CCDC7: variants seen among roughly 807,000 people sequenced by gnomAD.
CCDC7 encodes the protein coiled-coil domain containing 7.
Under a neutral mutation model 196.9 loss-of-function variants are expected in CCDC7, and 183 were observed. That is an observed-to-expected ratio of 0.93 (90% CI 0.82 to 1.05). CCDC7 has a LOEUF of 1.05. Among genes scored for constraint, CCDC7 ranks in the 50% least tolerant of loss-of-function variants. The pLI is 0.00. For synonymous variants in CCDC7, 525 were observed against 484.6 expected (o/e 1.08, Z -1.10); for missense variants, 1,540 against 1,482.2 (o/e 1.04, Z -0.64).
chr10:32,756,580 C>A (rs878983387), intron 28 of CCDC7, among the ~76,000 whole-genome samples: 1 of 152,180 alleles, frequency 6.6e-6, no homozygotes, highest in Non-Finnish European at 1.5e-5. Context: ...CCAGGCCTGC[C>A]TTACAAGAGC....
chr10:32,607,290 T>G (rs1452565299), intron 18 of CCDC7, among the ~76,000 whole-genome samples: 2 of 152,198 alleles, frequency 1.3e-5, no homozygotes, highest in Non-Finnish European at 2.9e-5. Flanking sequence ...TTCTTTTCCT[T>G]ATAAATTATC....
In CCDC7 at chr10:32,560,015, C is replaced by T. The variant is rs947855754; in HGVS notation, c.1135-5543C>T. On this transcript the variant is annotated intron_variant, in intron 13 of 41. Transcript: ENST00000639629. ...GCTGAAAACCAAGGCTCGAGAACTACGTGAAGAATGCAGAAGCCTCAGGAG... is the reference window on the plus strand; with the variant it reads ...GCTGAAAACCAAGGCTCGAGAACTATGTGAAGAATGCAGAAGCCTCAGGAG... Among the ~76,000 whole-genome samples the T allele has an allele frequency of 1.1e-4, 17 of 152,084 alleles. No homozygotes were observed. The East Asian group carries it at 1.4e-3, about 12-fold the overall frequency.
intron 28 of CCDC7, among the ~76,000 whole-genome samples, chr10:32,775,713 A>G (rs73255963): frequency 0.053 from 8,061 of 152,214 alleles, 710 homozygotes; most frequent in African/African-American, 0.18. Flanking sequence ...AAAGACAGAT[A>G]ATTTTTTTGT....
At chr10:32,510,026 T>G (rs2045865249) in intron 9 of CCDC7, among the ~76,000 whole-genome samples, 1 of 152,198 alleles carries the variant, frequency 6.6e-6, no homozygotes, top group Non-Finnish European at 1.5e-5. Flanking sequence ...TAAGTGCCAC[T>G]TCTGGGTATG....
rs186054375 is a variant in CCDC7, at chr10:32,813,553, A to C, written c.3098-817A>C. On this transcript the variant is annotated intron_variant, in intron 30 of 41. Transcript: ENST00000639629. ...GAAATATTCCTCAATGAATCAAATA[A>C]TTTCTGCCTCATGAGAAGTTTCTGT... Among the ~76,000 whole-genome samples the C allele has an allele frequency of 1.2e-3, 189 of 152,310 alleles. No individual in the cohort carries two copies. In the Middle Eastern group the frequency reaches 0.014, roughly 11 times the overall value.
intron 3 of CCDC7, among the ~76,000 whole-genome samples, chr10:32,462,183 G>A (rs1455792341): frequency 3.3e-5 from 5 of 152,140 alleles, no homozygotes; most frequent in Non-Finnish European, 5.9e-5. Context: ...TGTTTTGGGA[G>A]ACTGACATGG....
At chr10:32,781,060 C>A (rs998011041) in intron 29 of CCDC7, among the ~76,000 whole-genome samples, 1 of 152,002 alleles carries the variant, frequency 6.6e-6, no homozygotes, top group African/African-American at 2.4e-5. Flanking sequence ...AACTGGATAA[C>A]CTAGAGGAAA....
At chr10:32,581,435 T>C (rs1448751983) in intron 16 of CCDC7, among the ~76,000 whole-genome samples, 1 of 151,926 alleles carries the variant, frequency 6.6e-6, no homozygotes, top group Non-Finnish European at 1.5e-5. Flanking sequence ...ACTCCTCCTC[T>C]TCCTTCTCCT....
chr10:32,809,265 T>C (rs573709143), intron 30 of CCDC7, among the ~76,000 whole-genome samples: 1 of 151,918 alleles, frequency 6.6e-6, no homozygotes, highest in Admixed American at 6.5e-5. Flanking sequence ...TGAAACAGAA[T>C]TGAAAATAAT....
intron 5 of CCDC7, among the ~76,000 whole-genome samples, chr10:32,467,391 C>T (rs548383327): frequency 2.6e-5 from 4 of 152,030 alleles, no homozygotes; most frequent in South Asian, 2.1e-4. Context: ...GGATTACAGG[C>T]GTGAGCCACT....
intron 24 of CCDC7, among the ~76,000 whole-genome samples, chr10:32,710,262 G>T (rs191330347): frequency 9.9e-5 from 15 of 152,234 alleles, no homozygotes; most frequent in Admixed American, 6.5e-4. Context: ...ATCCCAAAGG[G>T]CTCTCCATTC....
chr10:32,572,466 A>G (rs577859584), intron 16 of CCDC7, among the ~76,000 whole-genome samples: 1 of 152,300 alleles, frequency 6.6e-6, no homozygotes, highest in South Asian at 2.1e-4. Flanking sequence ...TATGTACTTC[A>G]TTGCCATTTT....
intron 18 of CCDC7, among the ~76,000 whole-genome samples, chr10:32,614,007 G>A (rs984687585): frequency 2.0e-5 from 3 of 152,168 alleles, no homozygotes; most frequent in Admixed American, 6.5e-5. Flanking sequence ...ACAGTAGGGT[G>A]TTAACGTCTC....
At chr10:32,798,295 G>A (rs2084039669) in intron 29 of CCDC7, among the ~76,000 whole-genome samples, 1 of 152,200 alleles carries the variant, frequency 6.6e-6, no homozygotes, top group Non-Finnish European at 1.5e-5. Context: ...CTGGCAAATT[G>A]GACACACAGC....
intron 31 of CCDC7, among the ~76,000 whole-genome samples, chr10:32,815,983 G>A (rs1256518996): frequency 1.3e-5 from 2 of 152,224 alleles, no homozygotes; most frequent in Non-Finnish European, 2.9e-5. Flanking sequence ...TCACTTGGGA[G>A]TGTTGGCAGG....
At chr10:32,827,002 C>T (rs1054382096) in intron 32 of CCDC7, among the ~76,000 whole-genome samples, 1 of 152,176 alleles carries the variant, frequency 6.6e-6, no homozygotes, top group Non-Finnish European at 1.5e-5. Context: ...GTGGGTGGAC[C>T]TCTCTGAATG....
intron 28 of CCDC7, among the ~76,000 whole-genome samples, chr10:32,730,240 C>T (rs2083731695): frequency 6.6e-6 from 1 of 152,192 alleles, no homozygotes; most frequent in East Asian, 1.9e-4. Flanking sequence ...TAAGAGAGAA[C>T]ATGTGATGTT....
chr10:32,690,056 G>A lies in CCDC7; in HGVS notation c.2344+893G>A, dbSNP rs919229014. Among the ~76,000 whole-genome samples the A allele has an allele frequency of 2.0e-5, 3 of 152,102 alleles. No homozygotes were observed. The East Asian group carries it at 5.8e-4, about 29-fold the overall frequency. On this transcript the variant is annotated intron_variant, in intron 23 of 41. Coordinates refer to ENST00000639629, the Ensembl canonical transcript of CCDC7. ...AGCCTGGGCTTATTTTTATTTGTTA[G>A]ACCAGAAAGGATCAAAGCTTGGCAG...
chr10:32,509,030 G>T (rs369842901), intron 9 of CCDC7, among the ~76,000 whole-genome samples: 3 of 150,438 alleles, frequency 2.0e-5, no homozygotes, highest in Non-Finnish European at 4.4e-5. Flanking sequence ...TGCCTCCTGG[G>T]TTTGAGTGAT....
Sources: gnomAD v4.1 joint callset for allele counts (sites outside exome capture counted in the v4.1 genomes callset) on GRCh38, gnomAD v4.1.1 for gene constraint, MANE v1.5 for transcripts, NCBI Gene and HGNC (gene_info 2026-07-23, HGNC 2026-07-21) for gene names.